SLC16A1: variants seen among roughly 807,000 people sequenced by gnomAD.
The protein encoded by SLC16A1 is solute carrier family 16 member 1.
A neutral mutation model predicts 32.2 loss-of-function variants in SLC16A1; 11 were observed. The ratio of observed to expected loss-of-function variants is 0.34; its 90% CI spans 0.21 to 0.56. The LOEUF (loss-of-function observed/expected upper bound fraction) is 0.56. Among genes scored for constraint, SLC16A1 ranks in the 20% least tolerant of loss-of-function variants. SLC16A1 has a pLI of 0.87. For synonymous variants in SLC16A1, 231 were observed against 226.8 expected, an observed-to-expected ratio of 1.02 and a Z score of -0.17; for missense variants, 435 against 615.0, an observed-to-expected ratio of 0.71 and a Z score of 3.10.
chr1:112,914,770 A>G (rs1648443528), intron 4 of SLC16A1, among the ~76,000 whole-genome samples: 1 of 152,240 alleles, frequency 6.6e-6, no homozygotes, highest in South Asian at 2.1e-4. Context: ...TTAAACCTAG[A>G]AAGTCTGACT....
At chr1:112,944,817 C>G (rs576124590) in intron 1 of SLC16A1, among the ~76,000 whole-genome samples, 1 of 152,012 alleles carries the variant, frequency 6.6e-6, no homozygotes, top group Non-Finnish European at 1.5e-5. Flanking sequence ...CTAAGCCCCA[C>G]GAGTAGCTGG....
chr1:112,918,142 C>T (rs1222108365), intron 3 of SLC16A1, 98 bp from the exon 4 acceptor site: 28 of 943,176 alleles, frequency 3.0e-5, no homozygotes, highest in Non-Finnish European at 3.8e-5. Context: ...GATATAAATC[C>T]TCATTATTAG....
At chr1:112,933,754 G>A (rs1021858565) in intron 1 of SLC16A1, among the ~76,000 whole-genome samples, 10 of 152,130 alleles carry the variant, frequency 6.6e-5, no homozygotes, top group African/African-American at 2.4e-4. Flanking sequence ...ACTTTGTGGG[G>A]TTATAAAGCC....
intron 4 of SLC16A1, among the ~76,000 whole-genome samples, chr1:112,916,567 C>T (rs1016981397): frequency 1.3e-5 from 2 of 149,466 alleles, no homozygotes; most frequent in Admixed American, 6.7e-5. Context: ...TAATCACTAG[C>T]GCTTTAAAGA....
intron 3 of SLC16A1, among the ~76,000 whole-genome samples, chr1:112,918,906 A>G (rs1648611685): frequency 6.6e-6 from 1 of 152,268 alleles, no homozygotes; most frequent in East Asian, 1.9e-4. Context: ...CAATTGTGAA[A>G]CTTTCCTGAG....
intron 2 of SLC16A1, among the ~76,000 whole-genome samples, chr1:112,928,545 A>C (rs1649014890): frequency 6.6e-6 from 1 of 152,226 alleles, no homozygotes; most frequent in Admixed American, 6.5e-5. Context: ...GCCAAAAAAA[A>C]CAAAAGAGAA....
intron 1 of SLC16A1, among the ~76,000 whole-genome samples, chr1:112,930,294 T>C (rs1649084564): frequency 6.6e-6 from 1 of 152,120 alleles, no homozygotes; most frequent in Non-Finnish European, 1.5e-5. Flanking sequence ...GGACACCCAG[T>C]TGGTGTCTCC....
chr1:112,939,772 T>C (rs1301566749), intron 1 of SLC16A1, among the ~76,000 whole-genome samples: 1 of 152,132 alleles, frequency 6.6e-6, no homozygotes, highest in Non-Finnish European at 1.5e-5. Context: ...CCCAAAGTAT[T>C]GGGATTACAG....
At chr1:112,924,265 C>T (rs1648853434) in intron 2 of SLC16A1, 2 of 1,481,668 alleles carry the variant, frequency 1.3e-6, no homozygotes, top group Non-Finnish European at 9.4e-7. Flanking sequence ...GAGGAAGGGC[C>T]CCTGGAGCCA....
intron 1 of SLC16A1, among the ~76,000 whole-genome samples, chr1:112,952,353 G>A (rs979559287): frequency 6.6e-6 from 1 of 152,056 alleles, no homozygotes; most frequent in Non-Finnish European, 1.5e-5. Flanking sequence ...ACCTTACAAG[G>A]AAAATACATT....
chr1:112,929,965 T>C (rs1447706994), intron 1 of SLC16A1, among the ~76,000 whole-genome samples: 1 of 152,238 alleles, frequency 6.6e-6, no homozygotes, highest in Non-Finnish European at 1.5e-5. Context: ...GCTCCTGTAC[T>C]TGGGGACCCT....
intron 1 of SLC16A1, among the ~76,000 whole-genome samples, chr1:112,941,337 G>T (rs915905781): frequency 6.9e-6 from 1 of 144,204 alleles, no homozygotes; most frequent in Non-Finnish European, 1.5e-5. Context: ...GCTGGAGTGC[G>T]ATGGTACGAT....
intron 1 of SLC16A1, among the ~76,000 whole-genome samples, chr1:112,952,584 C>CTCAATATAGATATCTGA (rs1649933643): frequency 6.6e-6 from 1 of 152,094 alleles, no homozygotes; most frequent in Non-Finnish European, 1.5e-5. Context: ...AGTTATCTTT[C>CTCAATATAGATATCTGA]AGATATCTAT....
At chr1:112,938,646 A>G (rs1407769329) in intron 1 of SLC16A1, among the ~76,000 whole-genome samples, 1 of 152,208 alleles carries the variant, frequency 6.6e-6, no homozygotes, top group Non-Finnish European at 1.5e-5. Flanking sequence ...TCCTATCCAC[A>G]TTACAAGAAG....
At chr1:112,948,137 T>C (rs1279908923) in intron 1 of SLC16A1, among the ~76,000 whole-genome samples, 1 of 152,100 alleles carries the variant, frequency 6.6e-6, no homozygotes, top group Non-Finnish European at 1.5e-5. Context: ...AGAGAATCGC[T>C]TGAACCCAGG....
intron 2 of SLC16A1, chr1:112,923,834 GACCCT>G: frequency 6.7e-7 from 1 of 1,503,668 alleles, no homozygotes; most frequent in Admixed American, 1.7e-5. Context: ...GCAATGGCTG[GACCCT>G]GCCCACTGTG....
intron 1 of SLC16A1, among the ~76,000 whole-genome samples, chr1:112,949,415 C>T (rs894399425): frequency 2.0e-5 from 3 of 152,166 alleles, no homozygotes; most frequent in Non-Finnish European, 4.4e-5. Context: ...TATACACAAA[C>T]ATTTTGTTCC....
rs536201953 is a variant in SLC16A1, at chr1:112,930,724, G to GTT, written c.-44-1374_-44-1373dup. ...AATACATAACCTACAAACATTTTAGGTTTTTTTTTTTTTTTTTTGAGACAG... is the reference window on the plus strand; with the variant it reads ...AATACATAACCTACAAACATTTTAGGTTTTTTTTTTTTTTTTTTTTGAGACAG... On this transcript the variant is annotated intron_variant, in intron 1 of 4. Transcript: ENST00000369626. Among the ~76,000 whole-genome samples the GTT allele has an allele frequency of 1.7e-3, 234 of 135,176 alleles. 3 individuals carry two copies. In the East Asian group the frequency reaches 0.025, roughly 14 times the overall value. The allele number at this position is 135,176 out of a possible 152,430, so 88.7% of individuals were successfully genotyped here.
intron 2 of SLC16A1, chr1:112,923,743 A>T: frequency 6.5e-7 from 1 of 1,528,636 alleles, no homozygotes; most frequent in South Asian, 1.1e-5. Flanking sequence ...CACCAGCTGC[A>T]CCAGGAGGGC....
Sources: gnomAD v4.1 joint callset for allele counts (sites outside exome capture counted in the v4.1 genomes callset) on GRCh38, gnomAD v4.1.1 for gene constraint, MANE v1.5 for transcripts, NCBI Gene and HGNC (gene_info 2026-07-23, HGNC 2026-07-21) for gene names.